ALDH1A2: variants seen among roughly 807,000 people sequenced by gnomAD.
ALDH1A2 encodes aldehyde dehydrogenase 1 family member A2, also known as retinal dehydrogenase 2.
Under a neutral mutation model 60.3 loss-of-function variants are expected in ALDH1A2, and 27 were observed. That is an observed-to-expected ratio of 0.45 (90% CI 0.33 to 0.62). The LOEUF (loss-of-function observed/expected upper bound fraction) is 0.62, where lower values mean the gene tolerates loss of function less well. Among genes scored for constraint, ALDH1A2 ranks in the 20% least tolerant of loss-of-function variants. The pLI is 0.02. For synonymous variants in ALDH1A2, 289 were observed against 232.4 expected, an observed-to-expected ratio of 1.24 and a Z score of -2.21; for missense variants, 581 against 643.8, an observed-to-expected ratio of 0.90 and a Z score of 1.06.
At chr15:57,970,499 C>T (rs187102940) in intron 7 of ALDH1A2, among the ~76,000 whole-genome samples, 53 of 152,254 alleles carry the variant, frequency 3.5e-4, no homozygotes, top group African/African-American at 1.3e-3. Flanking sequence ...CACAGCAATG[C>T]GGCAATGTAG....
intron 10 of ALDH1A2, among the ~76,000 whole-genome samples, chr15:57,961,526 T>C (rs1488540042): frequency 1.3e-5 from 2 of 152,166 alleles, no homozygotes; most frequent in African/African-American, 4.8e-5. Context: ...TTGATTCCAC[T>C]GTGTATACTA....
At chr15:58,017,940 T>C (rs1895829633) in intron 1 of ALDH1A2, among the ~76,000 whole-genome samples, 1 of 152,160 alleles carries the variant, frequency 6.6e-6, no homozygotes. Context: ...TCTTATAAAA[T>C]GACACTTAAA....
chr15:57,998,930 G>A (rs556109091), intron 4 of ALDH1A2, among the ~76,000 whole-genome samples: 1 of 152,132 alleles, frequency 6.6e-6, no homozygotes, highest in African/African-American at 2.4e-5. Context: ...CGACAAACCT[G>A]ACAAAAACAA....
At chr15:58,003,052 A>T (rs1895327318) in intron 4 of ALDH1A2, among the ~76,000 whole-genome samples, 2 of 151,922 alleles carry the variant, frequency 1.3e-5, no homozygotes, top group Non-Finnish European at 1.5e-5. Flanking sequence ...TATGTTCCTG[A>T]GTCTGTCATG....
At chr15:57,979,525 C>T (rs1217866034) in intron 7 of ALDH1A2, among the ~76,000 whole-genome samples, 1 of 152,158 alleles carries the variant, frequency 6.6e-6, no homozygotes, top group African/African-American at 2.4e-5. Flanking sequence ...TCCTCCACAG[C>T]CTGGTGGCTC....
At chr15:58,015,148 C>T (rs1238319412) in intron 1 of ALDH1A2, among the ~76,000 whole-genome samples, 1 of 152,156 alleles carries the variant, frequency 6.6e-6, no homozygotes, top group African/African-American at 2.4e-5. Flanking sequence ...AGATGTTTTA[C>T]TCTATAAAAT....
At chr15:58,036,461 T>C (rs2140549684) in intron 1 of ALDH1A2, 2 of 151,674 alleles carry the variant, frequency 1.3e-5, no homozygotes, top group Middle Eastern at 3.4e-3. Context: ...AAAGAAGAGT[T>C]ATGGCTCTTA....
At chr15:58,023,404 C>T (rs1467884154) in intron 1 of ALDH1A2, among the ~76,000 whole-genome samples, 1 of 152,074 alleles carries the variant, frequency 6.6e-6, no homozygotes, top group Non-Finnish European at 1.5e-5. Context: ...GAAAACTTGC[C>T]AAGCCTAGCA....
chr15:57,995,071 C>T lies in ALDH1A2; in HGVS notation c.555+7G>A. 1 of 1,608,392 alleles carries T rather than the reference C, an allele frequency of 6.2e-7. No individual in the cohort carries two copies. The highest frequency in any genetic ancestry group is 8.5e-7 in the Non-Finnish European group (1 of 1,175,186). Reference sequence around the variant, plus strand: ...AATAAATACGAGGTGCGAGGAAATACACTCACTGGGATGATCTGTCCACAC... The same window carrying T: ...AATAAATACGAGGTGCGAGGAAATATACTCACTGGGATGATCTGTCCACAC... On this transcript the variant is annotated splice_region_variant and intron_variant, in intron 5 of 12. Transcript: ENST00000249750.
chr15:58,040,215 G>T (rs184914284), intron 1 of ALDH1A2, among the ~76,000 whole-genome samples: 1 of 151,908 alleles, frequency 6.6e-6, no homozygotes, highest in Non-Finnish European at 1.5e-5. Context: ...ATATTCTGAC[G>T]AAGTGGCCTT....
At chr15:57,974,732 C>A (rs1437292792) in intron 7 of ALDH1A2, among the ~76,000 whole-genome samples, 1 of 152,060 alleles carries the variant, frequency 6.6e-6, no homozygotes, top group Admixed American at 6.5e-5. Context: ...TTCTTAGATA[C>A]CATACCAAAA....
intron 7 of ALDH1A2, among the ~76,000 whole-genome samples, chr15:57,987,795 G>A (rs1595642614): frequency 2.0e-5 from 3 of 150,248 alleles, no homozygotes; most frequent in African/African-American, 2.4e-5. Context: ...TGAGGCAGGA[G>A]AATGGCGCAA....
intron 5 of ALDH1A2, among the ~76,000 whole-genome samples, chr15:57,994,830 C>A (rs989657154): frequency 1.3e-5 from 2 of 152,088 alleles, no homozygotes; most frequent in African/African-American, 2.4e-5. Context: ...ATACACTGTG[C>A]TTTGCTTATT....
intron 1 of ALDH1A2, among the ~76,000 whole-genome samples, chr15:58,024,154 A>T (rs1402732807): frequency 7.4e-6 from 1 of 136,008 alleles, no homozygotes; most frequent in Non-Finnish European, 1.7e-5. Context: ...TTTGTAAAGT[A>T]ATCACACAAA....
At chr15:58,025,977 C>T (rs1459575578) in intron 1 of ALDH1A2, among the ~76,000 whole-genome samples, 1 of 152,214 alleles carries the variant, frequency 6.6e-6, no homozygotes, top group Non-Finnish European at 1.5e-5. Flanking sequence ...CACCTCCCAC[C>T]AGGCTCCACC....
intron 12 of ALDH1A2, among the ~76,000 whole-genome samples, chr15:57,959,810 G>C (rs77110408): frequency 7.2e-5 from 11 of 152,202 alleles, no homozygotes; most frequent in African/African-American, 9.6e-5. Context: ...TTATAGTTTT[G>C]CTTGGGAGCT....
At chr15:57,980,349 T>G (rs1482371848) in intron 7 of ALDH1A2, 3 of 406,564 alleles carry the variant, frequency 7.4e-6, no homozygotes, top group Non-Finnish European at 1.5e-5. Context: ...ATGGGGTTCA[T>G]GTCATAGCTG....
intron 7 of ALDH1A2, among the ~76,000 whole-genome samples, chr15:57,972,998 AAAAG>A (rs1894121752): frequency 6.6e-6 from 1 of 152,188 alleles, no homozygotes; most frequent in African/African-American, 2.4e-5. Flanking sequence ...CTTAGGAAAT[AAAAG>A]AACCCCAGCT....
At chr15:57,963,533 C>A (rs1011144846) in intron 9 of ALDH1A2, among the ~76,000 whole-genome samples, 1 of 151,646 alleles carries the variant, frequency 6.6e-6, no homozygotes, top group South Asian at 2.1e-4. Context: ...TTAGTAGAGA[C>A]AGGGTTTCAC....
Sources: allele counts gnomAD v4.1 joint callset (sites outside exome capture counted in the v4.1 genomes callset), GRCh38; gene constraint gnomAD v4.1.1; transcripts MANE v1.5; gene names NCBI Gene and HGNC (gene_info 2026-07-23, HGNC 2026-07-21).